The following FERRY3 variants were observed in gnomAD, a reference collection of about 807,000 sequenced individuals.
The protein encoded by FERRY3 is FERRY endosomal RAB5 effector complex subunit 3.
chr12:4,529,311 T>C, the FERRY3 span, among the ~76,000 whole-genome samples: 1 of 152,186 alleles, frequency 6.6e-6, no homozygotes, highest in South Asian at 2.1e-4. Context: ...GTTATTATTT[T>C]TTTCTAAGGT....
At chr12:4,499,350 T>C in the FERRY3 span, among the ~76,000 whole-genome samples, 5 of 152,212 alleles carry the variant, frequency 3.3e-5, no homozygotes, top group Admixed American at 1.3e-4. Context: ...GAGTTGCTGA[T>C]AGTAGCCCTT....
At chr12:4,505,394 A>G in the FERRY3 span, 1 of 1,545,140 alleles carries the variant, frequency 6.5e-7, no homozygotes, top group Non-Finnish European at 8.9e-7. Flanking sequence ...TTCATAAGAC[A>G]ATGCAATATG....
At chr12:4,514,412 C>G in the FERRY3 span, among the ~76,000 whole-genome samples, 12 of 152,004 alleles carry the variant, frequency 7.9e-5, no homozygotes, top group Non-Finnish European at 1.3e-4. Flanking sequence ...ACCCAAAGGA[C>G]TATAAATCAT....
At chr12:4,516,943 A>C in the FERRY3 span, 3 of 974,208 alleles carry the variant, frequency 3.1e-6, no homozygotes, top group Non-Finnish European at 4.0e-6. Context: ...AAAAAATCTT[A>C]ATTTTGTTTT....
chr12:4,507,973 G>A, the FERRY3 span, among the ~76,000 whole-genome samples: 43 of 152,312 alleles, frequency 2.8e-4, no homozygotes, highest in Non-Finnish European at 6.0e-4. Flanking sequence ...TTCACTGTAT[G>A]CTCTTTTGTA....
At chr12:4,529,078 G>A in the FERRY3 span, among the ~76,000 whole-genome samples, 7 of 151,902 alleles carry the variant, frequency 4.6e-5, no homozygotes, top group Non-Finnish European at 7.4e-5. Flanking sequence ...AAATTACAAT[G>A]GATTATCTAG....
chr12:4,505,318 T>G, the FERRY3 span: 5 of 1,600,178 alleles, frequency 3.1e-6, no homozygotes, highest in Non-Finnish European at 4.3e-6. Flanking sequence ...GGTAAAACAT[T>G]TAAATAGTTC....
chr12:4,518,175 G>A, the FERRY3 span: 3 of 1,614,012 alleles, frequency 1.9e-6, no homozygotes, highest in East Asian at 2.2e-5. Context: ...ACACCACTTC[G>A]ATGATTTCTT....
the FERRY3 span, among the ~76,000 whole-genome samples, chr12:4,494,095 AAAATAAAT>A: frequency 6.6e-6 from 1 of 152,170 alleles, no homozygotes; most frequent in Non-Finnish European, 1.5e-5. Context: ...TCCGTCTCAA[AAAATAAAT>A]AAATAAATAA....
the FERRY3 span, among the ~76,000 whole-genome samples, chr12:4,533,784 G>C: frequency 7.2e-5 from 11 of 152,288 alleles, no homozygotes; most frequent in South Asian, 2.1e-4. Context: ...TAGAATTTCA[G>C]ATAAATAGTG....
At chr12:4,533,190 G>A in the FERRY3 span, among the ~76,000 whole-genome samples, 453 of 152,258 alleles carry the variant, frequency 3.0e-3, 2 homozygotes, top group Non-Finnish European at 4.8e-3. Flanking sequence ...CTCTTTGGCT[G>A]TAAGTGGAGA....
At chr12:4,521,697 AAAAC>A in the FERRY3 span, among the ~76,000 whole-genome samples, 972 of 152,362 alleles carry the variant, frequency 6.4e-3, 8 homozygotes, top group African/African-American at 0.022. Flanking sequence ...CGTTGTAAGA[AAAAC>A]AAACAAACAA....
the FERRY3 span, among the ~76,000 whole-genome samples, chr12:4,514,569 A>AAAATGATGAGTTCATGTC: frequency 2.0e-5 from 3 of 152,180 alleles, no homozygotes; most frequent in East Asian, 5.8e-4. Context: ...GCAGCCATAA[A>AAAATGATGAGTTCATGTC]AAATGATGAG....
At chr12:4,519,415 C>T in the FERRY3 span, among the ~76,000 whole-genome samples, 9 of 152,202 alleles carry the variant, frequency 5.9e-5, no homozygotes, top group Non-Finnish European at 1.0e-4. The surrounding 1 kb of genome is among the most constrained non-coding windows in gnomAD (Gnocchi z 4.3). Flanking sequence ...CACTAAACTG[C>T]CTTTCTTTTT....
chr12:4,517,285 C>T, the FERRY3 span: 2 of 1,162,378 alleles, frequency 1.7e-6, no homozygotes, highest in Non-Finnish European at 2.3e-6. Context: ...GAAAATAATA[C>T]TTATTTTTCT....
chr12:4,518,029 C>A, the FERRY3 span: 1 of 1,572,930 alleles, frequency 6.4e-7, no homozygotes, highest in African/African-American at 1.4e-5. Flanking sequence ...TGAAATTTAA[C>A]AAAATAAATG....
the FERRY3 span, among the ~76,000 whole-genome samples, chr12:4,523,081 T>C: frequency 6.6e-6 from 1 of 152,240 alleles, no homozygotes; most frequent in South Asian, 2.1e-4. Context: ...ATTTTAACTT[T>C]ATGTAATTTA....
chr12:4,529,862 G>C, the FERRY3 span: 2 of 1,564,938 alleles, frequency 1.3e-6, no homozygotes, highest in African/African-American at 1.4e-5. Flanking sequence ...CAAGAAATTT[G>C]AAATACCTCT....
chr12:4,536,217 G>T, the FERRY3 span: 1 of 1,497,162 alleles, frequency 6.7e-7, no homozygotes, highest in East Asian at 2.5e-5. Flanking sequence ...GATTTCTACA[G>T]AACTAACAAA....
Sources: gnomAD v4.1 joint callset for allele counts (sites outside exome capture counted in the v4.1 genomes callset) on GRCh38, gnomAD v4.1.1 for gene constraint, Gnocchi (gnomAD v3.1) non-coding constraint, MANE v1.5 for transcripts, NCBI Gene and HGNC (gene_info 2026-07-23, HGNC 2026-07-21) for gene names.